Variants in TMEM237 observed in about 807,000 individuals in gnomAD.
The protein encoded by TMEM237 is amyotrophic lateral sclerosis 2 (juvenile) chromosome region, candidate 4.
TMEM237 carries 51 observed loss-of-function variants against 59.1 expected under a neutral mutation model. The observed-to-expected ratio is 0.86, with a 90% CI of 0.69 to 1.09. The LOEUF (loss-of-function observed/expected upper bound fraction) is 1.09, where lower values mean the gene tolerates loss of function less well. Ranked by LOEUF, TMEM237 falls within the 50% of genes least tolerant of loss-of-function variation. TMEM237 has a pLI of 0.00. For missense variants in TMEM237, 475 were observed against 478.3 expected (o/e 0.99, Z 0.06); for synonymous variants, 140 against 166.1 (o/e 0.84, Z 1.21).
At chr2:201,630,173 AACATG>A (rs1957796348) in intron 7 of TMEM237, among the ~76,000 whole-genome samples, 1 of 152,234 alleles carries the variant, frequency 6.6e-6, no homozygotes, top group Admixed American at 6.5e-5. Flanking sequence ...AGAAATCTTT[AACATG>A]ACCTAGTCTA....
At chr2:201,638,881 G>A in intron 4 of TMEM237, 108 bp downstream of exon 4, 1 of 1,073,832 alleles carries the variant, frequency 9.3e-7, no homozygotes, top group Non-Finnish European at 1.4e-6. Context: ...TCAATGAAGT[G>A]GAGATTCGGG....
At chr2:201,638,846 CTTCAAACTGGCCTTAA>C (rs1687353638) in intron 4 of TMEM237, 127 bp downstream of exon 4, 5 of 809,150 alleles carry the variant, frequency 6.2e-6, no homozygotes, top group East Asian at 2.7e-5. Flanking sequence ...AATTCCACTG[CTTCAAACTGGCCTTAA>C]TTCTATCCTC....
At position 201,624,244 on chromosome 2, in the gene TMEM237, G is replaced by T; in HGVS notation, c.*11C>A. 1 of 1,607,388 alleles carries T rather than the reference G, an allele frequency of 6.2e-7. No homozygotes were observed. Among genetic ancestry groups the T allele is most frequent in the South Asian group, 1.1e-5 (1 of 90,352 alleles). On this transcript the variant is annotated 3_prime_UTR_variant, in exon 13 of 13. Transcript: ENST00000409883. ...ATACTGGGTCATTATTCCTCCAAAGGTGAGCTGGTATTATGAAGAGGCTTT... is the reference window on the plus strand; with the variant it reads ...ATACTGGGTCATTATTCCTCCAAAGTTGAGCTGGTATTATGAAGAGGCTTT...
chr2:201,643,065 G>A lies in TMEM237; in HGVS notation c.42+294C>T. 1 of 1,165,238 alleles carries A rather than the reference G, an allele frequency of 8.6e-7. No individual in the cohort carries two copies. The highest frequency in any genetic ancestry group is 1.1e-6 in the Non-Finnish European group (1 of 896,414). 72.2% of individuals were successfully genotyped at this position (1,165,238 alleles called of 1,614,324 possible). A position where few individuals can be genotyped will look rare whatever the true frequency, so the allele number is the denominator to read the frequency against. Reference sequence around the variant, plus strand: ...GGCCTGGCTGGAAGCCCCGGCACCCGCCGGGCCCCGGGCCTCAGATGAGTG... The same window carrying A: ...GGCCTGGCTGGAAGCCCCGGCACCCACCGGGCCCCGGGCCTCAGATGAGTG... On this transcript the variant is annotated intron_variant, in intron 1 of 12. Transcript: ENST00000409883. This position sits in a 1 kb window ranked among gnomAD's most constrained non-coding sequence, Gnocchi z 4.3.
chr2:201,620,339 G>C lies in TMEM237; in HGVS notation c.*3916C>G, dbSNP rs1438735634. 1 of 152,024 alleles carries C rather than the reference G, an allele frequency of 6.6e-6. No individual in the cohort carries two copies. The highest frequency in any genetic ancestry group is 1.5e-5 in the Non-Finnish European group (1 of 68,010). 9.4% of individuals were successfully genotyped at this position (152,024 alleles called of 1,614,324 possible). On this transcript the variant is annotated 3_prime_UTR_variant, in exon 13 of 13. Transcript: ENST00000409883. ...TCTTTTATTCAAGGACCAACTCAAA[G>C]GTCAGCTTTTAGTTAACTCTTATAT...
Position 201,629,127 on chromosome 2 carries a change from G to A in TMEM237, c.869+103C>T, listed in dbSNP as rs1315669870. On this transcript the variant is annotated intron_variant, in intron 9 of 12. Coordinates refer to ENST00000409883, the MANE Select transcript of TMEM237 (RefSeq NM_001044385.3). ...CCTTAAAACTTTTTGAAGTAACATT[G>A]ATACTCTATAATTCTATTTTGAAAA... is the stretch of plus-strand genomic sequence containing the variant. 9 of 909,118 alleles carry A rather than the reference G, an allele frequency of 9.9e-6. No individual in the cohort carries two copies. The African/African-American group carries it at 1.4e-4, about 14-fold the overall frequency. The allele number at this position is 909,118 out of a possible 1,614,324, so 56.3% of individuals were successfully genotyped here.
intron 11 of TMEM237, 142 bp downstream of exon 11, chr2:201,627,179 A>G: frequency 1.7e-6 from 1 of 589,066 alleles, no homozygotes; most frequent in Non-Finnish European, 3.0e-6. Flanking sequence ...TTACCCATTA[A>G]CCAAAGGAAT....
chr2:201,642,025 C>T (rs1687435476), intron 1 of TMEM237, among the ~76,000 whole-genome samples: 1 of 152,142 alleles, frequency 6.6e-6, no homozygotes, highest in Admixed American at 6.5e-5. Context: ...CACATACTAA[C>T]ACAATTTTTA....
chr2:201,637,865 A>T (rs944444320), intron 4 of TMEM237, among the ~76,000 whole-genome samples: 3 of 152,182 alleles, frequency 2.0e-5, no homozygotes, highest in African/African-American at 4.8e-5. Context: ...TAACAAAAAA[A>T]TTTTAAAGAT....
At chr2:201,642,966 T>C in intron 1 of TMEM237, 1 of 1,306,778 alleles carries the variant, frequency 7.7e-7, no homozygotes. Flanking sequence ...CGGAAGACCT[T>C]AATTAAAGGA....
rs370010097 is a variant in TMEM237, at chr2:201,640,901, A to T, written c.66T>A (p.Pro22=). The change falls in exon 2 of 13, where the codon CCT becomes CCA. Residue 22 remains proline, a synonymous_variant. Coordinates refer to ENST00000409883, the MANE Select transcript of TMEM237 (RefSeq NM_001044385.3). The part of the protein sequence containing the change: ...GHLRPPRALP[P]VPSQDDIPLS... ...CTGTAAATTATTTTTACCTTGGCACAGGTGGAAGAGCTCGTGGAGGACGCT... is the reference window on the plus strand; with the variant it reads ...CTGTAAATTATTTTTACCTTGGCACTGGTGGAAGAGCTCGTGGAGGACGCT... 5.4e-5 allele frequency: 87 copies of T among 1,599,310 alleles called. No individual in the cohort carries two copies. In the African/African-American group the frequency reaches 1.0e-3, roughly 19 times the overall value.
chr2:201,641,269 G>T (rs1687411597), intron 1 of TMEM237, among the ~76,000 whole-genome samples: 1 of 152,214 alleles, frequency 6.6e-6, no homozygotes, highest in East Asian at 1.9e-4. Context: ...TGGGATTATA[G>T]GAGTGAGCCA....
rs1687462447 is a variant in TMEM237 at position 201,643,030 on chromosome 2, GTCTA to G, written c.42+325_42+328del. 1.6e-6 allele frequency: 2 copies of G among 1,282,660 alleles called. No individual in the cohort carries two copies. The highest frequency in any genetic ancestry group is 3.1e-5 in the African/African-American group (2 of 63,708). The allele number at this position is 1,282,660 out of a possible 1,614,324, so 79.5% of individuals were successfully genotyped here. ...CAGCTACAGACCTCTCCTCGGAGGA[GTCTA>G]GGAGAGGCCTGGCTGGAAGCCCCGG... is the stretch of plus-strand genomic sequence containing the variant. On this transcript the variant is annotated intron_variant, in intron 1 of 12. Coordinates refer to ENST00000409883, the MANE Select transcript of TMEM237 (RefSeq NM_001044385.3). This position sits in a 1 kb window ranked among gnomAD's most constrained non-coding sequence, Gnocchi z 4.3.
At position 201,636,730 on chromosome 2, in the gene TMEM237, C is replaced by A; in HGVS notation, c.274+18G>T. 6.4e-7 allele frequency: 1 copy of A among 1,559,982 alleles called. No homozygotes were observed. Among genetic ancestry groups the A allele is most frequent in the Non-Finnish European group, 8.7e-7 (1 of 1,152,158 alleles). ...ATCACAAGTGCTATCACAACTTAACCTTGGTTTCTTCACATACCAAGAGGT... is the reference window on the plus strand; with the variant it reads ...ATCACAAGTGCTATCACAACTTAACATTGGTTTCTTCACATACCAAGAGGT... On this transcript the variant is annotated intron_variant, in intron 5 of 12. Coordinates refer to ENST00000409883, the MANE Select transcript of TMEM237 (RefSeq NM_001044385.3).
At chr2:201,627,256 T>C (rs1957767681) in intron 11 of TMEM237, 65 bp downstream of exon 11, 2 of 1,154,972 alleles carry the variant, frequency 1.7e-6, no homozygotes, top group South Asian at 1.4e-5. Context: ...TGAAAAAGAA[T>C]GGAAGGATAA....
intron 4 of TMEM237, among the ~76,000 whole-genome samples, chr2:201,638,130 C>T (rs1687338872): frequency 6.6e-6 from 1 of 152,174 alleles, no homozygotes; most frequent in Non-Finnish European, 1.5e-5. Context: ...AAATAAATAA[C>T]AGAGCAGTGA....
chr2:201,627,913 T>C (rs1957773057), intron 10 of TMEM237, among the ~76,000 whole-genome samples, 163 bp downstream of exon 10: 1 of 152,206 alleles, frequency 6.6e-6, no homozygotes, highest in Non-Finnish European at 1.5e-5. Context: ...ATTCTATCAA[T>C]ATTATGCCTT....
At position 201,632,051 on chromosome 2, in the gene TMEM237, G is replaced by T. The variant is rs754056989; in HGVS notation, c.553C>A (p.Arg185=). The change falls in exon 7 of 13, where the codon CGG becomes AGG. Residue 185 remains arginine (R), a splice_region_variant and synonymous_variant. Coordinates refer to ENST00000409883, the MANE Select transcript of TMEM237 (RefSeq NM_001044385.3). The part of the protein sequence containing the change: ...PVGKVFVEKS[R]RFQAADRSEL... Reference sequence around the variant, plus strand: ...ATTCTAAAACAAGGCATCTACTTACGGCTTTTTTCCACAAATACTTTGCCT... The same window carrying T: ...ATTCTAAAACAAGGCATCTACTTACTGCTTTTTTCCACAAATACTTTGCCT... 11 of 1,613,442 alleles carry T rather than the reference G, an allele frequency of 6.8e-6. No homozygotes were observed. The highest frequency in any genetic ancestry group is 9.3e-6 in the Non-Finnish European group (11 of 1,179,662).
chr2:201,631,793 C>T (rs1462065834), intron 7 of TMEM237, among the ~76,000 whole-genome samples: 1 of 152,144 alleles, frequency 6.6e-6, no homozygotes, highest in Non-Finnish European at 1.5e-5. Flanking sequence ...GAAAAATTCT[C>T]CCTAAACATT....
Sources: gnomAD v4.1 joint callset for allele counts (sites outside exome capture counted in the v4.1 genomes callset) on GRCh38, gnomAD v4.1.1 for gene constraint, Gnocchi (gnomAD v3.1) non-coding constraint, MANE v1.5 for transcripts, NCBI Gene and HGNC (gene_info 2026-07-23, HGNC 2026-07-21) for gene names.